OSBPL3: variants seen among roughly 807,000 people sequenced by gnomAD.
OSBPL3 encodes the protein oxysterol binding protein like 3.
Under a neutral mutation model 120.1 loss-of-function variants are expected in OSBPL3, and 65 were observed. The ratio of observed to expected loss-of-function variants is 0.54; its 90% CI spans 0.44 to 0.67. The LOEUF (loss-of-function observed/expected upper bound fraction) is 0.67. Ranked by LOEUF, OSBPL3 falls within the 30% of genes least tolerant of loss-of-function variation. The pLI is 0.00. For missense variants in OSBPL3, 1,004 were observed against 1,082.1 expected, an observed-to-expected ratio of 0.93 and a Z score of 1.01; for synonymous variants, 416 against 402.6, an observed-to-expected ratio of 1.03 and a Z score of -0.40.
intron 5 of OSBPL3, among the ~76,000 whole-genome samples, chr7:24,870,516 G>A (rs1801954427): frequency 6.6e-6 from 1 of 152,196 alleles, no homozygotes; most frequent in African/African-American, 2.4e-5. Context: ...TTCGTATCTA[G>A]GGGATGAGGC....
chr7:24,915,565 C>T (rs954982906), intron 1 of OSBPL3, among the ~76,000 whole-genome samples: 1 of 151,854 alleles, frequency 6.6e-6, no homozygotes, highest in East Asian at 1.9e-4. Flanking sequence ...ACCATGTTGC[C>T]CACCAAACAT....
rs538242353 is a variant in OSBPL3 at position 24,849,427 on chromosome 7, G to A, written c.1159-251C>T. On this transcript the variant is annotated intron_variant, in intron 11 of 22. Coordinates refer to ENST00000313367, the MANE Select transcript of OSBPL3 (RefSeq NM_015550.4). This position sits in a 1 kb window ranked among gnomAD's most constrained non-coding sequence, Gnocchi z 5.4. ...TTTTCTCATTCCAGACATGGAGGGA[G>A]GGTTGGTAAGTGCAACAGAGAGGGA... 2.1e-5 allele frequency: 6 copies of A among 281,148 alleles called. No individual in the cohort carries two copies. The East Asian group carries it at 5.2e-4, about 24-fold the overall frequency. 17.4% of individuals were successfully genotyped at this position (281,148 alleles called of 1,614,324 possible).
chr7:24,860,761 T>C (rs1037400961), intron 10 of OSBPL3, among the ~76,000 whole-genome samples: 2 of 152,244 alleles, frequency 1.3e-5, no homozygotes, highest in Non-Finnish European at 2.9e-5. Flanking sequence ...CAATAGTTTG[T>C]TCCTTGGTAT....
At position 24,830,046 on chromosome 7, in the gene OSBPL3, G is replaced by C. The variant is rs563187150; in HGVS notation, c.1884+722C>G. ...CAAGAGCAAACTAAAGCACAGAGAA[G>C]CTATGTAACTTGCCTTGGGTTATCA... On this transcript the variant is annotated intron_variant, in intron 16 of 22. Coordinates refer to ENST00000313367, the MANE Select transcript of OSBPL3 (RefSeq NM_015550.4). This position sits in a 1 kb window ranked among gnomAD's most constrained non-coding sequence, Gnocchi z 4.4. 2.8e-4 allele frequency among the ~76,000 whole-genome samples: 42 copies of C among 152,316 alleles called. No homozygotes were observed. Among genetic ancestry groups the C allele is most frequent in the African/African-American group, 9.6e-4 (40 of 41,568 alleles).
chr7:24,834,283 C>T lies in OSBPL3; in HGVS notation c.1746+203G>A, dbSNP rs775859342. The T allele has an allele frequency of 1.4e-6, 2 of 1,405,464 alleles. No homozygotes were observed. Among genetic ancestry groups the T allele is most frequent in the East Asian group, 5.5e-5 (2 of 36,592 alleles). The allele number at this position is 1,405,464 out of a possible 1,614,324, so 87.1% of individuals were successfully genotyped here. On this transcript the variant is annotated intron_variant, in intron 15 of 22. Transcript: ENST00000313367. The surrounding 1 kb of genome is among the most constrained non-coding windows in gnomAD (Gnocchi z 5.2). ...GCACCAAGTGCCACGGAGAAGCACC[C>T]CAACCCCGTCTCCAAATCCTCACAA...
chr7:24,922,374 G>C lies in OSBPL3; in HGVS notation c.-149-29753C>G, dbSNP rs983172794. On this transcript the variant is annotated intron_variant, in intron 1 of 22. Transcript: ENST00000313367. This position sits in a 1 kb window ranked among gnomAD's most constrained non-coding sequence, Gnocchi z 4.3. ...GAGCAAATCTGCTTCCTTGTGCCTT[G>C]ATATTCTCAACCAGGGAACAATTCC... is the stretch of plus-strand genomic sequence containing the variant. Among the ~76,000 whole-genome samples, 2 of 152,148 alleles carry C rather than the reference G, an allele frequency of 1.3e-5. No homozygotes were observed. The highest frequency in any genetic ancestry group is 4.8e-5 in the African/African-American group (2 of 41,430).
rs1297914148 is a variant in OSBPL3, at chr7:24,830,140, C to T, written c.1884+628G>A. The stretch of plus-strand genomic sequence containing the variant: ...TCTGAAGCCTGAGTATTACTCTATG[C>T]TACTTCTATGGCAAGAGTGTGATGG... On this transcript the variant is annotated intron_variant, in intron 16 of 22. Coordinates refer to ENST00000313367, the MANE Select transcript of OSBPL3 (RefSeq NM_015550.4). The surrounding 1 kb of genome is among the most constrained non-coding windows in gnomAD (Gnocchi z 4.4). 6.6e-6 allele frequency among the ~76,000 whole-genome samples: 1 copy of T among 152,130 alleles called. No homozygotes were observed. The highest frequency in any genetic ancestry group is 1.9e-4 in the East Asian group (1 of 5,196).
In OSBPL3 at chr7:24,803,554, C is replaced by G. The variant is rs568083501; in HGVS notation, c.2567+761G>C. ...TTGGGAGGCTGAGGCAGGTGGATCA[C>G]GAGGTCAGGAGATTGAGACCATCCT... is the stretch of plus-strand genomic sequence containing the variant. On this transcript the variant is annotated intron_variant, in intron 22 of 22. Coordinates refer to ENST00000313367, the MANE Select transcript of OSBPL3 (RefSeq NM_015550.4). The surrounding 1 kb of genome is among the most constrained non-coding windows in gnomAD (Gnocchi z 4.2). Among the ~76,000 whole-genome samples the G allele has an allele frequency of 3.3e-5, 5 of 152,052 alleles. No homozygotes were observed. The highest frequency in any genetic ancestry group is 7.4e-5 in the Non-Finnish European group (5 of 67,998).
chr7:24,850,503 T>C (rs889798476), intron 11 of OSBPL3, among the ~76,000 whole-genome samples: 5 of 152,230 alleles, frequency 3.3e-5, no homozygotes, highest in Non-Finnish European at 5.9e-5. Context: ...GCTGAAAGCA[T>C]AGAAGGATGT....
rs186749078 is a variant in OSBPL3 at position 24,797,770 on chromosome 7, G to T, written c.*2413C>A. The T allele has an allele frequency of 3.9e-3, 588 of 152,084 alleles. 6 individuals carry two copies. The highest frequency in any genetic ancestry group is 0.013 in the African/African-American group (551 of 41,508). The allele number at this position is 152,084 out of a possible 1,614,324, so 9.4% of individuals were successfully genotyped here. A position where few individuals can be genotyped will look rare whatever the true frequency, so the allele number is the denominator to read the frequency against. On this transcript the variant is annotated 3_prime_UTR_variant, in exon 23 of 23. Transcript: ENST00000313367. The surrounding 1 kb of genome is among the most constrained non-coding windows in gnomAD (Gnocchi z 4.8). ...AGAGGTTAAAACATGTAACTCAAAT[G>T]GTACAGTGATTAGCATTATTTAACC...
intron 2 of OSBPL3, among the ~76,000 whole-genome samples, chr7:24,878,491 G>A (rs1015834521): frequency 2.6e-5 from 4 of 152,020 alleles, no homozygotes; most frequent in East Asian, 1.9e-4. Flanking sequence ...TATTAAGAAA[G>A]GCTAACGATC....
chr7:24,871,911 C>T lies in OSBPL3; in HGVS notation c.213+42G>A. 1 of 1,467,214 alleles carries T rather than the reference C, an allele frequency of 6.8e-7. No individual in the cohort carries two copies. Among genetic ancestry groups the T allele is most frequent in the Non-Finnish European group, 9.6e-7 (1 of 1,046,292 alleles). The allele number at this position is 1,467,214 out of a possible 1,614,324, so 90.9% of individuals were successfully genotyped here. On this transcript the variant is annotated intron_variant, in intron 3 of 22. Transcript: ENST00000313367. This position sits in a 1 kb window ranked among gnomAD's most constrained non-coding sequence, Gnocchi z 4.8. The stretch of plus-strand genomic sequence containing the variant: ...CCTAAGAACCAGGTGCTGAGTGGGG[C>T]AGTGTGAGTGCAAATAAAGGGGAGG...
intron 5 of OSBPL3, among the ~76,000 whole-genome samples, chr7:24,868,559 G>A (rs1801682325): frequency 6.6e-6 from 1 of 152,208 alleles, no homozygotes; most frequent in South Asian, 2.1e-4. Flanking sequence ...TGCCAGAGAT[G>A]AGAGCTAGGA....
At chr7:24,904,816 G>A (rs372350520) in intron 1 of OSBPL3, among the ~76,000 whole-genome samples, 2 of 151,064 alleles carry the variant, frequency 1.3e-5, no homozygotes, top group East Asian at 1.9e-4. Context: ...CATAGAAACA[G>A]AAAGAAGAAT....
Position 24,798,845 on chromosome 7 carries a change from C to T in OSBPL3, c.*1338G>A, listed in dbSNP as rs754642442. 6.6e-6 allele frequency: 1 copy of T among 152,550 alleles called. No homozygotes were observed. Among genetic ancestry groups the T allele is most frequent in the Non-Finnish European group, 1.5e-5 (1 of 68,020 alleles). The allele number at this position is 152,550 out of a possible 1,614,324, so 9.4% of individuals were successfully genotyped here. On this transcript the variant is annotated 3_prime_UTR_variant, in exon 23 of 23. Transcript: ENST00000313367. The surrounding 1 kb of genome is among the most constrained non-coding windows in gnomAD (Gnocchi z 4.6). ...ATGGACTTTAGAATAAGAGGCTTAA[C>T]AATTAGGCTTTGGTTTTAATGTCAT...
chr7:24,804,544 CCT>C lies in OSBPL3; in HGVS notation c.2445-109_2445-108del. 6.6e-6 allele frequency: 7 copies of C among 1,062,956 alleles called. No individual in the cohort carries two copies. The highest frequency in any genetic ancestry group is 9.6e-6 in the Non-Finnish European group (7 of 730,524). 65.8% of individuals were successfully genotyped at this position (1,062,956 alleles called of 1,614,324 possible). A position where few individuals can be genotyped will look rare whatever the true frequency, so the allele number is the denominator to read the frequency against. ...CACGACTGGATATTCAAAATCCTCT[CCT>C]ATACGTAAGACCCCGCCCCAACCGT... On this transcript the variant is annotated intron_variant, in intron 21 of 22. Transcript: ENST00000313367. The surrounding 1 kb of genome is among the most constrained non-coding windows in gnomAD (Gnocchi z 5.4).
chr7:24,904,397 A>C (rs906656583), intron 1 of OSBPL3, among the ~76,000 whole-genome samples: 2 of 152,232 alleles, frequency 1.3e-5, no homozygotes, highest in Non-Finnish European at 2.9e-5. Context: ...CCACAGAGCA[A>C]AAGTATTCCA....
At chr7:24,944,078 A>T (rs1813413927) in intron 1 of OSBPL3, among the ~76,000 whole-genome samples, 1 of 42,438 alleles carries the variant, frequency 2.4e-5, no homozygotes. Context: ...GTCTAAAGTA[A>T]AAAAAAAAAA....
intron 1 of OSBPL3, among the ~76,000 whole-genome samples, chr7:24,957,912 T>C (rs1815264015): frequency 6.6e-6 from 1 of 152,174 alleles, no homozygotes; most frequent in South Asian, 2.1e-4. Flanking sequence ...TTACACATTC[T>C]TTTTTCCATT....
Sources: allele counts gnomAD v4.1 joint callset (sites outside exome capture counted in the v4.1 genomes callset), GRCh38; gene constraint gnomAD v4.1.1; non-coding constraint Gnocchi (gnomAD v3.1); transcripts MANE v1.5; gene names NCBI Gene and HGNC (gene_info 2026-07-23, HGNC 2026-07-21).